The following ATP8A2 variants were observed in gnomAD, a reference collection of about 807,000 sequenced individuals.
ATP8A2 encodes the protein ATPase phospholipid transporting 8A2, also known as phospholipid-transporting ATPase IB.
ATP8A2 carries 100 observed loss-of-function variants against 165.6 expected under a neutral mutation model. The observed-to-expected ratio is 0.60, with a 90% CI of 0.51 to 0.71. The LOEUF is 0.71. Ranked by LOEUF, ATP8A2 falls within the 30% of genes least tolerant of loss-of-function variation. The pLI is 0.00. For synonymous variants in ATP8A2, 543 were observed against 548.8 expected (o/e 0.99, Z 0.15); for missense variants, 1,227 against 1,479.5 (o/e 0.83, Z 2.80).
intron 24 of ATP8A2, among the ~76,000 whole-genome samples, chr13:25,610,517 G>A (rs897923575): frequency 6.6e-6 from 1 of 152,106 alleles, no homozygotes; most frequent in African/African-American, 2.4e-5. Flanking sequence ...GTTGACGATA[G>A]CCTTATAGTA....
At chr13:25,722,645 C>A (rs922710084) in intron 25 of ATP8A2, among the ~76,000 whole-genome samples, 2 of 145,616 alleles carry the variant, frequency 1.4e-5, no homozygotes, top group African/African-American at 5.6e-5. Flanking sequence ...GGCACTAATT[C>A]ATTGCTGTAT....
At chr13:25,418,817 A>G (rs1399816899) in intron 1 of ATP8A2, among the ~76,000 whole-genome samples, 7 of 152,164 alleles carry the variant, frequency 4.6e-5, no homozygotes, top group Non-Finnish European at 7.4e-5. Flanking sequence ...CTATTGAAGC[A>G]CCAATTTTCC....
At chr13:25,816,932 T>C (rs1951037137) in intron 27 of ATP8A2, among the ~76,000 whole-genome samples, 1 of 152,166 alleles carries the variant, frequency 6.6e-6, no homozygotes, top group African/African-American at 2.4e-5. Context: ...TGTCAATAAG[T>C]TAAGGGTGTG....
chr13:25,831,508 C>G (rs115999005), intron 28 of ATP8A2, among the ~76,000 whole-genome samples: 1 of 152,152 alleles, frequency 6.6e-6, no homozygotes, highest in African/African-American at 2.4e-5. Flanking sequence ...CCACCACACT[C>G]AGCCTCTCAA....
intron 24 of ATP8A2, among the ~76,000 whole-genome samples, chr13:25,656,068 C>T (rs1444619574): frequency 6.6e-6 from 1 of 152,166 alleles, no homozygotes; most frequent in African/African-American, 2.4e-5. Flanking sequence ...ATCTGACTCC[C>T]CCTGTGTAAC....
At chr13:25,864,327 G>A (rs1952443239) in intron 33 of ATP8A2, among the ~76,000 whole-genome samples, 1 of 152,176 alleles carries the variant, frequency 6.6e-6, no homozygotes. Flanking sequence ...ACAGAGAGCT[G>A]TGCCAGGGAA....
intron 35 of ATP8A2, among the ~76,000 whole-genome samples, chr13:25,990,506 T>C (rs978150451): frequency 2.0e-5 from 3 of 152,042 alleles, no homozygotes; most frequent in East Asian, 3.9e-4. Flanking sequence ...GGAAAGCATA[T>C]GCAAAGGCCC....
intron 33 of ATP8A2, among the ~76,000 whole-genome samples, chr13:25,956,867 A>C (rs1453163010): frequency 6.6e-6 from 1 of 152,240 alleles, no homozygotes; most frequent in East Asian, 1.9e-4. Context: ...CTGACTTCAA[A>C]CTATATTACA....
intron 24 of ATP8A2, among the ~76,000 whole-genome samples, chr13:25,642,026 G>A (rs567533662): frequency 1.2e-4 from 18 of 152,250 alleles, no homozygotes; most frequent in South Asian, 4.2e-4. Context: ...AATAAATGGC[G>A]CTGGGAAAAC....
At chr13:25,625,034 C>A (rs138655696) in intron 24 of ATP8A2, among the ~76,000 whole-genome samples, 43 of 152,198 alleles carry the variant, frequency 2.8e-4, no homozygotes, top group African/African-American at 9.9e-4. Flanking sequence ...TGTGCATGAT[C>A]AATTTTATCT....
intron 18 of ATP8A2, among the ~76,000 whole-genome samples, chr13:25,572,137 C>G (rs945527338): frequency 6.6e-6 from 1 of 152,006 alleles, no homozygotes; most frequent in African/African-American, 2.4e-5. Context: ...CTCTCTCTCT[C>G]TCTCTCTCTC....
At chr13:25,815,057 A>G (rs562110904) in intron 27 of ATP8A2, among the ~76,000 whole-genome samples, 1 of 152,196 alleles carries the variant, frequency 6.6e-6, no homozygotes, top group South Asian at 2.1e-4. Context: ...TTAACTCCAA[A>G]TGAATCAAAG....
rs147114167 is a variant in ATP8A2 at position 25,894,631 on chromosome 13, G to A, written c.3183+32223G>A. 4.1e-3 allele frequency among the ~76,000 whole-genome samples: 622 copies of A among 152,238 alleles called. 2 individuals carry two copies. The highest frequency in any genetic ancestry group is 0.014 in the African/African-American group (590 of 41,554). ...ATCTATAAATTACCTTGGGCAGTGC[G>A]GCCATTTTCATGATATTGATTCTTC... is the stretch of plus-strand genomic sequence containing the variant. On this transcript the variant is annotated intron_variant, in intron 33 of 36. Transcript: ENST00000381655.
intron 25 of ATP8A2, among the ~76,000 whole-genome samples, chr13:25,739,644 T>C (rs1160784957): frequency 1.3e-5 from 2 of 152,136 alleles, no homozygotes; most frequent in African/African-American, 4.8e-5. Flanking sequence ...AGGTAACCAC[T>C]TGTAGCTTTA....
intron 1 of ATP8A2, among the ~76,000 whole-genome samples, chr13:25,459,514 G>A (rs1305229231): frequency 2.0e-5 from 3 of 152,164 alleles, no homozygotes; most frequent in African/African-American, 7.2e-5. Flanking sequence ...AGAGAATGTT[G>A]GAAGACAGAA....
intron 2 of ATP8A2, among the ~76,000 whole-genome samples, chr13:25,517,492 A>T (rs1008007715): frequency 2.0e-5 from 3 of 152,242 alleles, no homozygotes; most frequent in African/African-American, 7.2e-5. Flanking sequence ...GTAATAGAAC[A>T]GATTTGGAAA....
At chr13:25,890,937 C>T (rs1291256988) in intron 33 of ATP8A2, among the ~76,000 whole-genome samples, 1 of 152,172 alleles carries the variant, frequency 6.6e-6, no homozygotes, top group African/African-American at 2.4e-5. Flanking sequence ...GTTTTTACAA[C>T]TCAGCAGTGC....
At chr13:25,954,135 T>C (rs777644418) in intron 33 of ATP8A2, among the ~76,000 whole-genome samples, 12 of 152,174 alleles carry the variant, frequency 7.9e-5, no homozygotes, top group Admixed American at 3.9e-4. Context: ...AGCACAGCTG[T>C]CTGAAGTTGA....
chr13:25,458,715 T>C (rs951269975), intron 1 of ATP8A2, among the ~76,000 whole-genome samples: 5 of 152,276 alleles, frequency 3.3e-5, no homozygotes, highest in African/African-American at 1.2e-4. Context: ...GTGGGGAAAG[T>C]TTTCCCAGTT....
Sources: gnomAD v4.1 joint callset for allele counts (sites outside exome capture counted in the v4.1 genomes callset) on GRCh38, gnomAD v4.1.1 for gene constraint, MANE v1.5 for transcripts, NCBI Gene and HGNC (gene_info 2026-07-23, HGNC 2026-07-21) for gene names.